Variants in AOX1 observed in about 807,000 individuals in gnomAD.
AOX1 encodes aldehyde oxidase 1.
AOX1 carries 153 observed loss-of-function variants against 169.5 expected under a neutral mutation model. That is an observed-to-expected ratio of 0.90 (90% CI 0.79 to 1.03). AOX1 has a LOEUF of 1.03. Ranked by LOEUF, AOX1 falls within the 50% of genes least tolerant of loss-of-function variation. AOX1 has a pLI of 0.00. For synonymous variants in AOX1, 562 were observed against 581.9 expected (o/e 0.97, Z 0.49); for missense variants, 1,656 against 1,663.9 (o/e 1.00, Z 0.08).
intron 29 of AOX1, among the ~76,000 whole-genome samples, chr2:200,661,255 G>A (rs1452985449): frequency 6.6e-6 from 1 of 152,184 alleles, no homozygotes; most frequent in African/African-American, 2.4e-5. Flanking sequence ...ACCAAGCATT[G>A]TTTTCTAAAA....
At chr2:200,650,660 G>T (rs1277171026) in intron 25 of AOX1, among the ~76,000 whole-genome samples, 1 of 152,190 alleles carries the variant, frequency 6.6e-6, no homozygotes, top group Non-Finnish European at 1.5e-5. Flanking sequence ...ATACCCAAAT[G>T]CAACTAGAAT....
chr2:200,659,584 C>CTCTCCCCAGGGCCGATGCA (rs1354805097), intron 28 of AOX1, among the ~76,000 whole-genome samples: 8 of 152,312 alleles, frequency 5.3e-5, no homozygotes, highest in African/African-American at 1.9e-4. Context: ...AGGCTCGCGC[C>CTCTCCCCAGGGCCGATGCA]TCTCCCCAGG....
At chr2:200,589,491 C>T (rs979939349) in intron 1 of AOX1, among the ~76,000 whole-genome samples, 1 of 152,170 alleles carries the variant, frequency 6.6e-6, no homozygotes, top group Non-Finnish European at 1.5e-5. Context: ...CTTGGCGGGT[C>T]TGGGGCCTCG....
At chr2:200,670,114 A>G (rs1345171173) in intron 34 of AOX1, among the ~76,000 whole-genome samples, 1 of 152,116 alleles carries the variant, frequency 6.6e-6, no homozygotes, top group Non-Finnish European at 1.5e-5. Context: ...CCCCTCTGAC[A>G]GTCTGCCTCC....
rs374677654 is a variant in AOX1 at position 200,627,360 on chromosome 2, T to C, written c.2132T>C (p.Ile711Thr). Reference protein sequence around the residue: ...EPLILTIEESIQHNSSFKPER... With the variant: ...EPLILTIEESTQHNSSFKPER... ...CCTCTGTTCTCTTTCTAGGAAAGTA[T>C]ACAACACAACTCCTCCTTCAAGCCA... Residue 711 changes from isoleucine (I) to threonine (T), a missense_variant, in exon 20 of 35, where the codon ATA becomes ACA. By Grantham distance (89) the Ile-to-Thr change is moderately conservative. Coordinates refer to ENST00000374700, the MANE Select transcript of AOX1 (RefSeq NM_001159.4). The C allele has an allele frequency of 5.6e-6, 9 of 1,612,692 alleles. No homozygotes were observed. The East Asian group carries it at 8.9e-5, about 16-fold the overall frequency.
At chr2:200,623,632 G>A (rs1243182915) in intron 18 of AOX1, among the ~76,000 whole-genome samples, 1 of 152,246 alleles carries the variant, frequency 6.6e-6, no homozygotes, top group Non-Finnish European at 1.5e-5. Flanking sequence ...CCTCAAGACA[G>A]CATCACTCCT....
chr2:200,650,282 A>G (rs2035555333), intron 25 of AOX1, among the ~76,000 whole-genome samples: 1 of 152,144 alleles, frequency 6.6e-6, no homozygotes, highest in Admixed American at 6.5e-5. Flanking sequence ...ACTAATTTCC[A>G]GTGTTTCTCT....
chr2:200,640,827 A>AC (rs2035338605), intron 23 of AOX1, among the ~76,000 whole-genome samples: 1 of 152,198 alleles, frequency 6.6e-6, no homozygotes, highest in Admixed American at 6.5e-5. Flanking sequence ...TACTTACGAT[A>AC]CTATTATTAA....
chr2:200,659,331 C>T (rs1452557115), intron 28 of AOX1, 38 bp downstream of exon 28: 2 of 1,594,918 alleles, frequency 1.3e-6, no homozygotes, highest in East Asian at 2.3e-5. Context: ...TCATTAACTC[C>T]CTCAGGGCCA....
At chr2:200,670,388 C>T (rs188346283) in intron 34 of AOX1, among the ~76,000 whole-genome samples, 1 of 152,286 alleles carries the variant, frequency 6.6e-6, no homozygotes, top group East Asian at 1.9e-4. Context: ...GCTTTTTCTA[C>T]TCTGGAGAAA....
chr2:200,638,015 G>A (rs1473741901), intron 22 of AOX1, 200 bp from the exon 23 acceptor site: 4 of 470,956 alleles, frequency 8.5e-6, no homozygotes, highest in African/African-American at 2.0e-5. Flanking sequence ...AGTTGCAAAT[G>A]CCTGGCATTA....
chr2:200,589,190 A>C (rs1401174683), intron 1 of AOX1, among the ~76,000 whole-genome samples: 1 of 152,182 alleles, frequency 6.6e-6, no homozygotes, highest in African/African-American at 2.4e-5. Flanking sequence ...GGCAGAAGGT[A>C]ACGACATCTG....
At chr2:200,616,284 G>C (rs774177919) in intron 16 of AOX1, among the ~76,000 whole-genome samples, 1 of 152,222 alleles carries the variant, frequency 6.6e-6, no homozygotes, top group Non-Finnish European at 1.5e-5. Context: ...ATGTTGATTT[G>C]GGTCTTAAAG....
chr2:200,636,281 A>G (rs1394899624), intron 21 of AOX1, among the ~76,000 whole-genome samples: 1 of 151,710 alleles, frequency 6.6e-6, no homozygotes. Flanking sequence ...GGCACGCACC[A>G]CCATGCCCAA....
intron 5 of AOX1, among the ~76,000 whole-genome samples, chr2:200,601,994 A>T (rs1054882064): frequency 1.3e-5 from 2 of 151,968 alleles, no homozygotes; most frequent in Non-Finnish European, 2.9e-5. Flanking sequence ...ATGTGACTGT[A>T]GAGCAAGTTT....
intron 26 of AOX1, among the ~76,000 whole-genome samples, chr2:200,656,627 C>G (rs940102974): frequency 1.3e-5 from 2 of 152,100 alleles, no homozygotes; most frequent in African/African-American, 4.8e-5. Flanking sequence ...CAATTATTCA[C>G]CCTCTCCCTC....
intron 10 of AOX1, among the ~76,000 whole-genome samples, chr2:200,605,832 G>A (rs1228472670): frequency 6.6e-6 from 1 of 151,932 alleles, no homozygotes; most frequent in Non-Finnish European, 1.5e-5. Flanking sequence ...TTTTTGATGG[G>A]GTTGCTTTTT....
chr2:200,622,147 G>A (rs536813432), intron 18 of AOX1, among the ~76,000 whole-genome samples: 1 of 152,344 alleles, frequency 6.6e-6, no homozygotes, highest in East Asian at 1.9e-4. Context: ...TTAAAGTCTA[G>A]AGGAGAAAAC....
intron 19 of AOX1, 120 bp from the exon 20 acceptor site, chr2:200,627,233 C>T (rs972923853): frequency 1.0e-5 from 7 of 679,542 alleles, no homozygotes; most frequent in South Asian, 1.9e-5. Flanking sequence ...TGAAAGTGCA[C>T]GGAACCACAA....
Sources: gnomAD v4.1 joint callset for allele counts (sites outside exome capture counted in the v4.1 genomes callset) on GRCh38, gnomAD v4.1.1 for gene constraint, MANE v1.5 for transcripts, NCBI Gene and HGNC (gene_info 2026-07-23, HGNC 2026-07-21) for gene names.